RUFY1: variants seen among roughly 807,000 people sequenced by gnomAD.
RUFY1 encodes the protein RUN and FYVE domain containing 1, also known as RUN and FYVE domain-containing protein 1.
A neutral mutation model predicts 94.6 loss-of-function variants in RUFY1; 54 were observed. The observed-to-expected ratio is 0.57, with a 90% CI of 0.46 to 0.72. The LOEUF is 0.72. Among genes scored for constraint, RUFY1 ranks in the 30% least tolerant of loss-of-function variants. The probability of loss-of-function intolerance (pLI) is 0.00; values close to 1 mark genes in which losing one functional copy is unlikely to be tolerated. For missense variants in RUFY1, 883 were observed against 883.9 expected, an observed-to-expected ratio of 1.00 and a Z score of 0.01; for synonymous variants, 396 against 347.3, an observed-to-expected ratio of 1.14 and a Z score of -1.56.
At chr5:179,580,239 G>GTA (rs1390515466) in intron 6 of RUFY1, among the ~76,000 whole-genome samples, 1 of 51,264 alleles carries the variant, frequency 2.0e-5, no homozygotes, top group Non-Finnish European at 4.7e-5. Context: ...GTGTGTGTGT[G>GTA]TGTATATTTT....
chr5:179,552,312 T>A (rs1227349137), intron 1 of RUFY1, among the ~76,000 whole-genome samples: 1 of 152,034 alleles, frequency 6.6e-6, no homozygotes, highest in African/African-American at 2.4e-5. Context: ...GGGACAGAGC[T>A]GAGGAAAGGT....
At chr5:179,607,195 C>T in intron 16 of RUFY1, 1 of 243,678 alleles carries the variant, frequency 4.1e-6, no homozygotes, top group Non-Finnish European at 8.1e-6. Context: ...CCGCGCCTGC[C>T]AGTTCAGCTA....
In RUFY1 at chr5:179,585,794, A is replaced by C. The variant is rs1260815799; in HGVS notation, c.957-2A>C. On this transcript the variant is annotated splice_acceptor_variant, in intron 7 of 17. Coordinates refer to ENST00000319449, the MANE Select transcript of RUFY1 (RefSeq NM_025158.5). LOFTEE classifies it high-confidence loss of function. The stretch of plus-strand genomic sequence containing the variant: ...TTTACTTAATATTCTTATTTTCTAC[A>C]GCTGCACAGTTGGGGATCTTCAAAC... 1 of 1,607,146 alleles carries C rather than the reference A, an allele frequency of 6.2e-7. No homozygotes were observed. Among genetic ancestry groups the C allele is most frequent in the Non-Finnish European group, 8.5e-7 (1 of 1,173,768 alleles).
Position 179,550,840 on chromosome 5 carries a change from C to T in RUFY1, c.271C>T (p.Leu91=). Residue 91 remains leucine, a synonymous_variant, in exon 1 of 18, where the codon CTG becomes TTG. Coordinates refer to ENST00000319449, the MANE Select transcript of RUFY1 (RefSeq NM_025158.5). The part of the protein sequence containing the change: ...CGSALRAAAG[L]GGGDSGDGTA... ...GAGCGCGCTGCGCGCGGCCGCGGGG[C>T]TGGGCGGCGGGGACAGCGGGGACGG... The T allele has an allele frequency of 1.6e-6, 2 of 1,229,358 alleles. No individual in the cohort carries two copies. The highest frequency in any genetic ancestry group is 1.0e-6 in the Non-Finnish European group (1 of 989,704). The allele number at this position is 1,229,358 out of a possible 1,614,324, so 76.2% of individuals were successfully genotyped here. A position where few individuals can be genotyped will look rare whatever the true frequency, so the allele number is the denominator to read the frequency against.
At chr5:179,553,167 A>G (rs561263497) in intron 1 of RUFY1, among the ~76,000 whole-genome samples, 37 of 152,140 alleles carry the variant, frequency 2.4e-4, no homozygotes, top group Middle Eastern at 3.4e-3. Flanking sequence ...CCCTGATCCC[A>G]CTCTTGCCCA....
chr5:179,552,346 A>G (rs77809587), intron 1 of RUFY1, among the ~76,000 whole-genome samples: 74 of 152,264 alleles, frequency 4.9e-4, no homozygotes, highest in Admixed American at 1.3e-3. Flanking sequence ...AAGGAGCATC[A>G]TAGCACACAC....
intron 3 of RUFY1, 84 bp from the exon 4 acceptor site, chr5:179,567,366 GTGTGTTTCCTA>G (rs1026660046): frequency 4.6e-6 from 4 of 866,328 alleles, no homozygotes; most frequent in Non-Finnish European, 7.7e-6. Flanking sequence ...ATTTACAAGG[GTGTGTTTCCTA>G]TGTGTCTCCC....
chr5:179,577,290 G>A (rs913672946), intron 6 of RUFY1, among the ~76,000 whole-genome samples, 154 bp downstream of exon 6: 1 of 143,678 alleles, frequency 7.0e-6, no homozygotes, highest in African/African-American at 2.6e-5. Flanking sequence ...TTCTGCCTCA[G>A]CCTCCTGAGT....
Position 179,566,271 on chromosome 5 carries a change from T to C in RUFY1, c.603-1190T>C, listed in dbSNP as rs999278127. Reference sequence around the variant, plus strand: ...CCTTTTTTCTTTTCTTTTCTCTTCTTTTCTTTCTTTTCTGCTTCTCTGGAG... The same window carrying C: ...CCTTTTTTCTTTTCTTTTCTCTTCTCTTCTTTCTTTTCTGCTTCTCTGGAG... On this transcript the variant is annotated intron_variant, in intron 3 of 17. Transcript: ENST00000319449. 2.6e-5 allele frequency among the ~76,000 whole-genome samples: 4 copies of C among 152,168 alleles called. No individual in the cohort carries two copies. The South Asian group carries it at 8.3e-4, about 31-fold the overall frequency.
intron 4 of RUFY1, 166 bp from the exon 5 acceptor site, chr5:179,569,136 A>G (rs1374751276): frequency 1.0e-6 from 1 of 985,058 alleles, no homozygotes; most frequent in African/African-American, 1.7e-5. Context: ...AGGACGGGAG[A>G]AAAAGCAGCC....
chr5:179,600,684 C>CTTTTTTTTTTTTTTTTTT (rs398000079), intron 14 of RUFY1, among the ~76,000 whole-genome samples: 3 of 54,662 alleles, frequency 5.5e-5, no homozygotes, highest in African/African-American at 2.4e-4. Context: ...ATGATGGTAA[C>CTTTTTTTTTTTTTTTTTT]TTTTTTTTTT....
intron 6 of RUFY1, among the ~76,000 whole-genome samples, chr5:179,577,859 CAAAAA>C (rs35539667): frequency 2.2e-4 from 30 of 134,362 alleles, no homozygotes; most frequent in African/African-American, 8.2e-4. Flanking sequence ...TTCTCTGCAG[CAAAAA>C]AAAAAAAAAA....
chr5:179,592,503 C>T (rs1225948971), intron 10 of RUFY1, among the ~76,000 whole-genome samples: 1 of 152,010 alleles, frequency 6.6e-6, no homozygotes. Flanking sequence ...CCACCTGCCT[C>T]GGCATCCCAA....
intron 14 of RUFY1, among the ~76,000 whole-genome samples, chr5:179,601,573 C>T (rs1221953156): frequency 6.6e-6 from 1 of 150,890 alleles, no homozygotes; most frequent in Admixed American, 6.6e-5. Flanking sequence ...GTAATCCCAG[C>T]ACTTTGGGAG....
chr5:179,594,069 C>G (rs1357821678), intron 11 of RUFY1, among the ~76,000 whole-genome samples: 1 of 152,102 alleles, frequency 6.6e-6, no homozygotes, highest in African/African-American at 2.4e-5. Flanking sequence ...CTTTGGGAGG[C>G]CGAGCGGGCA....
At position 179,609,552 on chromosome 5, in the gene RUFY1, A is replaced by T. The variant is rs750230049; in HGVS notation, c.*33A>T. On this transcript the variant is annotated 3_prime_UTR_variant, in exon 18 of 18. Coordinates refer to ENST00000319449, the MANE Select transcript of RUFY1 (RefSeq NM_025158.5). ...TCCTCAGGAGCACAGCCTCACGGAC[A>T]GTGCCAAACCCTGTGGGTCTCCAGG... 3 of 1,561,768 alleles carry T rather than the reference A, an allele frequency of 1.9e-6. No homozygotes were observed. The highest frequency in any genetic ancestry group is 1.7e-6 in the Non-Finnish European group (2 of 1,157,540).
chr5:179,564,013 C>T (rs1461963686), intron 3 of RUFY1, among the ~76,000 whole-genome samples: 5 of 151,964 alleles, frequency 3.3e-5, no homozygotes, highest in African/African-American at 7.3e-5. Context: ...TACTGCCCTG[C>T]GTCTTCAGTT....
intron 9 of RUFY1, among the ~76,000 whole-genome samples, chr5:179,591,410 G>A (rs546158209): frequency 3.4e-5 from 5 of 148,780 alleles, no homozygotes; most frequent in Admixed American, 2.0e-4. Context: ...GGTCTCGATC[G>A]CCTGACCTCG....
At position 179,609,511 on chromosome 5, in the gene RUFY1, G is replaced by A. The variant is rs778748998; in HGVS notation, c.2119G>A (p.Ala707Thr). ...TLLLQRCSST[A>T]S ...GCTCCTGCAGCGCTGCTCCTCCACG[G>A]CCTCCTGAACGTCCGTCCTCAGGAG... The change falls in exon 18 of 18, where the codon GCC (alanine) becomes ACC (threonine). Residue 707 changes from alanine (A) to threonine (T), a missense_variant. Ala to Thr is a moderately conservative substitution (Grantham distance 58). Transcript: ENST00000319449. 21 of 1,603,012 alleles carry A rather than the reference G, an allele frequency of 1.3e-5. No homozygotes were observed. The highest frequency in any genetic ancestry group is 1.7e-5 in the Non-Finnish European group (20 of 1,177,910).
Sources: gnomAD v4.1 joint callset for allele counts (sites outside exome capture counted in the v4.1 genomes callset) on GRCh38, gnomAD v4.1.1 for gene constraint, MANE v1.5 for transcripts, NCBI Gene and HGNC (gene_info 2026-07-23, HGNC 2026-07-21) for gene names.